The following SETD5 variants were observed in gnomAD, a reference collection of about 807,000 sequenced individuals.
SETD5 encodes the protein SET domain containing 5.
In SETD5, 44 loss-of-function variants were observed where a neutral mutation model predicts 153.3. The ratio of observed to expected loss-of-function variants is 0.29; its 90% CI spans 0.23 to 0.37. The LOEUF (loss-of-function observed/expected upper bound fraction) is 0.37, where lower values mean the gene tolerates loss of function less well. Ranked by LOEUF, SETD5 falls within the 10% of genes least tolerant of loss-of-function variation. The probability of loss-of-function intolerance (pLI) is 1.00; values close to 1 mark genes in which losing one functional copy is unlikely to be tolerated. For synonymous variants in SETD5, 716 were observed against 645.2 expected, an observed-to-expected ratio of 1.11 and a Z score of -1.66; for missense variants, 1,544 against 1,768.0, an observed-to-expected ratio of 0.87 and a Z score of 2.27.
chr3:9,409,517 C>T lies in SETD5; in HGVS notation c.-177+11540C>T, dbSNP rs376306875. Among the ~76,000 whole-genome samples, 6 of 152,174 alleles carry T rather than the reference C, an allele frequency of 3.9e-5. 1 individual carries two copies. In the East Asian group the frequency reaches 5.8e-4, roughly 15 times the overall value. ...TGTTGGCTACTAAATTCTTTTGATT[C>T]ATTCTTAATACTTTCCTCACTTGTT... On this transcript the variant is annotated intron_variant, in intron 1 of 22. Coordinates refer to ENST00000402198, the MANE Select transcript of SETD5 (RefSeq NM_001080517.3).
chr3:9,414,474 C>T (rs1378335622), intron 1 of SETD5, among the ~76,000 whole-genome samples: 1 of 152,136 alleles, frequency 6.6e-6, no homozygotes, highest in Non-Finnish European at 1.5e-5. Context: ...TAGTTTGCTG[C>T]TTGGCACAAC....
chr3:9,431,207 C>T, intron 3 of SETD5: 1 of 985,318 alleles, frequency 1.0e-6, no homozygotes, highest in Non-Finnish European at 1.2e-6. Flanking sequence ...ACAAGCAAAA[C>T]AAAGATTTTT....
At chr3:9,401,278 A>G (rs1333271648) in intron 1 of SETD5, among the ~76,000 whole-genome samples, 1 of 152,230 alleles carries the variant, frequency 6.6e-6, no homozygotes, top group East Asian at 1.9e-4. Context: ...GCTGTTTGAC[A>G]TACTTAGGGT....
chr3:9,476,802 AC>A lies in SETD5; in HGVS notation c.*712del. The stretch of plus-strand genomic sequence containing the variant: ...TTTGAGTAGATTGTCTGAGCCTCCA[AC>A]TGTTACCATCCTACTCCCCCTTCCC... On this transcript the variant is annotated 3_prime_UTR_variant, in exon 23 of 23. Transcript: ENST00000402198. The A allele has an allele frequency of 6.6e-6, 1 of 152,534 alleles. No homozygotes were observed. The highest frequency in any genetic ancestry group is 1.5e-5 in the Non-Finnish European group (1 of 68,050). The allele number at this position is 152,534 out of a possible 1,614,324, so 9.4% of individuals were successfully genotyped here.
intron 13 of SETD5, among the ~76,000 whole-genome samples, chr3:9,445,965 G>GTTTTTTTTTTTTTTTTTTTTT (rs376821559): frequency 1.9e-4 from 16 of 86,456 alleles, no homozygotes; most frequent in African/African-American, 6.6e-4. Flanking sequence ...TGAAGAGGTT[G>GTTTTTTTTTTTTTTTTTTTTT]TTTTTTTTTT....
chr3:9,445,199 A>G lies in SETD5; in HGVS notation c.1339A>G (p.Lys447Glu). ...AETRRRKARRKELEMEQQNEA... is the reference protein window; with the variant it reads ...AETRRRKARREELEMEQQNEA... The stretch of plus-strand genomic sequence containing the variant: ...GACTAGACGTAGAAAAGCACGACGG[A>G]AAGAGCTAGAGATGGAGCAGCAGAA... The change falls in exon 12 of 23, where the codon AAA (lysine) becomes GAA (glutamate). Residue 447 changes from lysine to glutamate, a missense_variant. Around this residue, in one of 9 missense-constraint regions of SETD5, gnomAD observed 782 missense variants for 787.2 expected, o/e 0.99. Coordinates refer to ENST00000402198, the MANE Select transcript of SETD5 (RefSeq NM_001080517.3). 6.2e-7 allele frequency: 1 copy of G among 1,613,846 alleles called. No homozygotes were observed. Among genetic ancestry groups the G allele is most frequent in the Non-Finnish European group, 8.5e-7 (1 of 1,179,810 alleles).
At chr3:9,406,108 C>T (rs2035608761) in intron 1 of SETD5, among the ~76,000 whole-genome samples, 1 of 152,074 alleles carries the variant, frequency 6.6e-6, no homozygotes, top group Non-Finnish European at 1.5e-5. Flanking sequence ...TGAGAGTTGA[C>T]TTGTTTTATA....
rs1267743838 is a variant in SETD5 at position 9,397,626 on chromosome 3, C to T, written c.-528C>T. On this transcript the variant is annotated 5_prime_UTR_variant, in exon 1 of 23. Transcript: ENST00000402198. ...ATCCCCGTGCGGTCAGTGGCGTTTC[C>T]GCTCGGGCAGCGGGCTGAGTGAGCT... is the stretch of plus-strand genomic sequence containing the variant. The T allele has an allele frequency of 1.7e-5, 3 of 174,484 alleles. No homozygotes were observed. The highest frequency in any genetic ancestry group is 3.5e-5 in the Non-Finnish European group (3 of 86,690). 10.8% of individuals were successfully genotyped at this position (174,484 alleles called of 1,614,324 possible).
rs2039577089 is a variant in SETD5, at chr3:9,428,440, A to ACT, written c.-116-383_-116-382insCT. ...TTAAATGAAGATCTTGAATTTTTAAAGAGTTTAGGTAAACTGGGATATTTT... is the reference window on the plus strand; with the variant it reads ...TTAAATGAAGATCTTGAATTTTTAAACTGAGTTTAGGTAAACTGGGATATTTT... On this transcript the variant is annotated intron_variant, in intron 2 of 22. Transcript: ENST00000402198. Among the ~76,000 whole-genome samples, 3 of 152,222 alleles carry ACT rather than the reference A, an allele frequency of 2.0e-5. No homozygotes were observed. The South Asian group carries it at 6.2e-4, about 32-fold the overall frequency.
chr3:9,456,038 T>A (rs937968211), intron 17 of SETD5, among the ~76,000 whole-genome samples: 5 of 152,206 alleles, frequency 3.3e-5, no homozygotes, highest in African/African-American at 1.2e-4. Flanking sequence ...GAGGAATTAC[T>A]TTTATTTGTT....
intron 20 of SETD5, 121 bp from the exon 21 acceptor site, chr3:9,474,328 T>C: frequency 8.9e-7 from 1 of 1,125,110 alleles, no homozygotes; most frequent in Non-Finnish European, 1.2e-6. Context: ...TGTTTTAAAT[T>C]GGTTCTGAAG....
chr3:9,404,939 C>G (rs2035419013), intron 1 of SETD5, among the ~76,000 whole-genome samples: 1 of 152,242 alleles, frequency 6.6e-6, no homozygotes, highest in African/African-American at 2.4e-5. Context: ...AGCTGCTCCA[C>G]CTTATTTCCT....
At chr3:9,470,349 C>T (rs751219602) in intron 18 of SETD5, 110 bp from the exon 19 acceptor site, 15 of 793,900 alleles carry the variant, frequency 1.9e-5, no homozygotes, top group Non-Finnish European at 3.0e-5. Context: ...GCTCTACTTC[C>T]GTCCCTCTTA....
chr3:9,475,038 T>G (rs1234730982), intron 21 of SETD5, 30 bp from the exon 22 acceptor site: 1 of 1,537,654 alleles, frequency 6.5e-7, no homozygotes, highest in Non-Finnish European at 8.8e-7. Context: ...GAAGCCAAGT[T>G]GATTTTTTTT....
At chr3:9,452,901 C>T (rs1307326871) in intron 16 of SETD5, among the ~76,000 whole-genome samples, 2 of 152,052 alleles carry the variant, frequency 1.3e-5, no homozygotes, top group African/African-American at 4.8e-5. Flanking sequence ...AGGAGAGCCA[C>T]AGAGTGGTGA....
At chr3:9,461,844 T>G (rs1217814846) in intron 17 of SETD5, among the ~76,000 whole-genome samples, 2 of 152,214 alleles carry the variant, frequency 1.3e-5, no homozygotes, top group Non-Finnish European at 2.9e-5. Context: ...AAGATTCCAT[T>G]GTTTAAGACC....
At chr3:9,398,965 A>G (rs1170705513) in intron 1 of SETD5, among the ~76,000 whole-genome samples, 1 of 152,096 alleles carries the variant, frequency 6.6e-6, no homozygotes, top group Admixed American at 6.5e-5. Flanking sequence ...CTGCTTTCTC[A>G]TGTTACTTGT....
chr3:9,405,526 A>T (rs774425149), intron 1 of SETD5, among the ~76,000 whole-genome samples: 1 of 152,062 alleles, frequency 6.6e-6, no homozygotes, highest in Non-Finnish European at 1.5e-5. Context: ...GGGAAATTTT[A>T]TTTTTTATCA....
At chr3:9,399,524 T>C (rs1410969483) in intron 1 of SETD5, among the ~76,000 whole-genome samples, 1 of 152,110 alleles carries the variant, frequency 6.6e-6, no homozygotes, top group South Asian at 2.1e-4. Flanking sequence ...GATTAGAGTC[T>C]TTAAGGTTTA....
Sources: gnomAD v4.1 joint callset for allele counts (sites outside exome capture counted in the v4.1 genomes callset) on GRCh38, gnomAD v4.1.1 for gene constraint, gnomAD v4.1.1 regional missense constraint, MANE v1.5 for transcripts, NCBI Gene and HGNC (gene_info 2026-07-23, HGNC 2026-07-21) for gene names.